TTC13: variants seen among roughly 807,000 people sequenced by gnomAD.
TTC13 encodes the protein tetratricopeptide repeat protein 13.
In TTC13, 62 loss-of-function variants were observed where a neutral mutation model predicts 120.0. That is an observed-to-expected ratio of 0.52 (90% CI 0.42 to 0.64). The LOEUF (loss-of-function observed/expected upper bound fraction) is 0.64, where lower values mean the gene tolerates loss of function less well. TTC13 is among the 30% of genes least tolerant of loss of function. The pLI, the probability that TTC13 is intolerant of heterozygous loss-of-function variation, is 0.00. For synonymous variants in TTC13, 384 were observed against 393.5 expected (o/e 0.98, Z 0.28); for missense variants, 824 against 1,050.2 (o/e 0.78, Z 2.98).
At chr1:230,909,554 C>A (rs1281093229) in intron 20 of TTC13, among the ~76,000 whole-genome samples, 1 of 152,202 alleles carries the variant, frequency 6.6e-6, no homozygotes, top group Admixed American at 6.5e-5. Flanking sequence ...ATTGCTTGAA[C>A]CCGGGAGGCA....
chr1:230,909,290 G>C (rs1012822898), intron 20 of TTC13, among the ~76,000 whole-genome samples: 6 of 152,102 alleles, frequency 3.9e-5, no homozygotes, highest in Admixed American at 3.3e-4. Flanking sequence ...GATCGCTTGA[G>C]GTCAGGAGTT....
intron 17 of TTC13, among the ~76,000 whole-genome samples, chr1:230,918,974 G>C (rs1262382958): frequency 6.6e-6 from 1 of 152,012 alleles, no homozygotes; most frequent in African/African-American, 2.4e-5. Context: ...GCATGTTTTG[G>C]GGCAGTTTTA....
intron 3 of TTC13, among the ~76,000 whole-genome samples, chr1:230,955,634 G>A (rs1383453745): frequency 1.4e-5 from 2 of 140,424 alleles, no homozygotes; most frequent in African/African-American, 5.5e-5. Context: ...TGGCGCCACT[G>A]CACTCCAGCC....
intron 1 of TTC13, among the ~76,000 whole-genome samples, chr1:230,977,149 G>C (rs1041463336): frequency 2.0e-5 from 3 of 152,166 alleles, no homozygotes; most frequent in Non-Finnish European, 4.4e-5. Context: ...CTGAGAAAAT[G>C]AGCCACCATC....
chr1:230,956,585 T>C, intron 3 of TTC13: 1 of 398,376 alleles, frequency 2.5e-6, no homozygotes, highest in South Asian at 1.9e-5. Flanking sequence ...AATCAATCAA[T>C]GAGCCATAAA....
chr1:230,934,450 C>A (rs776968755), intron 8 of TTC13, among the ~76,000 whole-genome samples: 3 of 152,162 alleles, frequency 2.0e-5, no homozygotes, highest in Non-Finnish European at 4.4e-5. Flanking sequence ...TAGCTTCCAT[C>A]GGCCTAACAC....
chr1:230,923,335 C>T (rs1010360950), intron 15 of TTC13, among the ~76,000 whole-genome samples: 1 of 152,006 alleles, frequency 6.6e-6, no homozygotes, highest in Admixed American at 6.6e-5. Context: ...AGAAGTTTTC[C>T]AGCCAACCTG....
rs113327241 is a variant in TTC13, at chr1:230,912,552, G to A, written c.2229+71C>T. ...CATAAGATGTACAATCTCAGTGAAA[G>A]GGCAGAGGTTCAAAAAATTTACAAA... On this transcript the variant is annotated intron_variant, in intron 19 of 22. Coordinates refer to ENST00000366661, the MANE Select transcript of TTC13 (RefSeq NM_024525.5). 3 of 1,522,584 alleles carry A rather than the reference G, an allele frequency of 2.0e-6. No homozygotes were observed. The East Asian group carries it at 6.8e-5, about 34-fold the overall frequency. The allele number at this position is 1,522,584 out of a possible 1,614,324, so 94.3% of individuals were successfully genotyped here. A position where few individuals can be genotyped will look rare whatever the true frequency, so the allele number is the denominator to read the frequency against.
chr1:230,975,695 T>C (rs1244843461), intron 1 of TTC13, among the ~76,000 whole-genome samples: 1 of 151,968 alleles, frequency 6.6e-6, no homozygotes, highest in Non-Finnish European at 1.5e-5. Flanking sequence ...ATCAAAAAGG[T>C]AAAATGTAAA....
At chr1:230,932,905 C>G (rs1283801383) in intron 9 of TTC13, among the ~76,000 whole-genome samples, 1 of 152,184 alleles carries the variant, frequency 6.6e-6, no homozygotes, top group Non-Finnish European at 1.5e-5. Context: ...TGCAGAACGA[C>G]CAAGGCAGAA....
At chr1:230,961,784 T>G (rs969042411) in intron 1 of TTC13, among the ~76,000 whole-genome samples, 2 of 152,122 alleles carry the variant, frequency 1.3e-5, no homozygotes, top group African/African-American at 2.4e-5. Flanking sequence ...ACAATGCTTG[T>G]CTCAGGACAC....
rs1234287056 is a variant in TTC13 at position 230,929,174 on chromosome 1, T to C, written c.1301-81A>G. 5.9e-6 allele frequency: 8 copies of C among 1,361,492 alleles called. No individual in the cohort carries two copies. In the Admixed American group the frequency reaches 8.5e-5, roughly 15 times the overall value. 84.3% of individuals were successfully genotyped at this position (1,361,492 alleles called of 1,614,324 possible). A position where few individuals can be genotyped will look rare whatever the true frequency, so the allele number is the denominator to read the frequency against. Reference sequence around the variant, plus strand: ...ATGGCTAGCTGCCATACAAATACTTTGTAACAAGCTGTTCTTCAATTATAA... The same window carrying C: ...ATGGCTAGCTGCCATACAAATACTTCGTAACAAGCTGTTCTTCAATTATAA... On this transcript the variant is annotated intron_variant, in intron 11 of 22. Coordinates refer to ENST00000366661, the MANE Select transcript of TTC13 (RefSeq NM_024525.5).
intron 18 of TTC13, among the ~76,000 whole-genome samples, chr1:230,915,749 A>G (rs1056376107): frequency 6.6e-6 from 1 of 152,022 alleles, no homozygotes; most frequent in African/African-American, 2.4e-5. Flanking sequence ...CAATAAGATT[A>G]TACTACTCAT....
Position 230,955,052 on chromosome 1 carries a change from A to T in TTC13, c.443-649T>A, listed in dbSNP as rs77281644. 4.5e-4 allele frequency among the ~76,000 whole-genome samples: 68 copies of T among 152,336 alleles called. 1 individual carries two copies. The East Asian group carries it at 0.012, about 27-fold the overall frequency. On this transcript the variant is annotated intron_variant, in intron 3 of 22. Coordinates refer to ENST00000366661, the MANE Select transcript of TTC13 (RefSeq NM_024525.5). ...TTTAGGAAAGTGGTATTTTGAAATT[A>T]GAGCCAGGACAATCTCTGAAAACAC...
intron 8 of TTC13, 76 bp downstream of exon 8, chr1:230,939,310 A>G (rs1558194005): frequency 5.1e-6 from 4 of 783,180 alleles, no homozygotes; most frequent in Non-Finnish European, 6.2e-6. Flanking sequence ...ACCAGCCATC[A>G]ATCAAACGAA....
At chr1:230,970,683 A>C (rs1327875116) in intron 1 of TTC13, among the ~76,000 whole-genome samples, 1 of 152,234 alleles carries the variant, frequency 6.6e-6, no homozygotes, top group Non-Finnish European at 1.5e-5. Context: ...TGGCATTGGC[A>C]GTAGCATGTA....
chr1:230,931,591 A>C, intron 10 of TTC13, 119 bp from the exon 11 acceptor site: 1 of 1,454,222 alleles, frequency 6.9e-7, no homozygotes, highest in Admixed American at 2.0e-5. Flanking sequence ...ACTAGTCTAC[A>C]GGACAAGAGC....
Position 230,939,374 on chromosome 1 carries a change from C to A in TTC13, c.900+12G>T. On this transcript the variant is annotated intron_variant, in intron 8 of 22. Coordinates refer to ENST00000366661, the MANE Select transcript of TTC13 (RefSeq NM_024525.5). ...AGTCATCATATGGTACACATATGCA[C>A]AACACTTTCACCTTCAGAAGTCCTC... 1.3e-6 allele frequency: 2 copies of A among 1,568,674 alleles called. No individual in the cohort carries two copies. Among genetic ancestry groups the A allele is most frequent in the Non-Finnish European group, 1.8e-6 (2 of 1,140,894 alleles).
Position 230,942,751 on chromosome 1 carries a change from G to T in TTC13, c.672+1055C>A, listed in dbSNP as rs1230138788. Among the ~76,000 whole-genome samples, 1 of 152,126 alleles carries T rather than the reference G, an allele frequency of 6.6e-6. No homozygotes were observed. Among genetic ancestry groups the T allele is most frequent in the African/African-American group, 2.4e-5 (1 of 41,422 alleles). The stretch of plus-strand genomic sequence containing the variant: ...ACATAAAACAGAATGCCTTTGTACA[G>T]ACTCTCTTCCCTGCGCTGAACACTC... On this transcript the variant is annotated intron_variant, in intron 6 of 22. Transcript: ENST00000366661. This position sits in a 1 kb window ranked among gnomAD's most constrained non-coding sequence, Gnocchi z 4.0.
Sources: allele counts gnomAD v4.1 joint callset (sites outside exome capture counted in the v4.1 genomes callset), GRCh38; gene constraint gnomAD v4.1.1; non-coding constraint Gnocchi (gnomAD v3.1); transcripts MANE v1.5; gene names NCBI Gene and HGNC (gene_info 2026-07-23, HGNC 2026-07-21).